Variants in NFATC1 observed in about 807,000 individuals in gnomAD.
NFATC1 encodes nuclear factor of activated T cells 1.
In NFATC1, 22 loss-of-function variants were observed where a neutral mutation model predicts 76.0. The observed-to-expected ratio is 0.29, with a 90% CI of 0.21 to 0.41. The LOEUF (loss-of-function observed/expected upper bound fraction) is 0.41. Among genes scored for constraint, NFATC1 ranks in the 10% least tolerant of loss-of-function variants. NFATC1 has a pLI of 1.00. For missense variants in NFATC1, 1,357 were observed against 1,337.7 expected (o/e 1.01, Z -0.23); for synonymous variants, 704 against 613.1 (o/e 1.15, Z -2.19).
chr18:79,437,980 G>C (rs2086841573), intron 3 of NFATC1, among the ~76,000 whole-genome samples: 1 of 152,242 alleles, frequency 6.6e-6, no homozygotes, highest in African/African-American at 2.4e-5. Context: ...AAGCACCCGG[G>C]CACAGCCATT....
intron 3 of NFATC1, among the ~76,000 whole-genome samples, chr18:79,447,892 C>T (rs1869125150): frequency 6.6e-6 from 1 of 152,272 alleles, no homozygotes; most frequent in Non-Finnish European, 1.5e-5. Context: ...AACGGCACCA[C>T]ACTCTGTGTT....
At chr18:79,423,823 A>T (rs142017461) in intron 2 of NFATC1, among the ~76,000 whole-genome samples, 143 of 152,124 alleles carry the variant, frequency 9.4e-4, no homozygotes, top group African/African-American at 3.4e-3. Context: ...ATGGGCACAG[A>T]GCTTGGGTCC....
At chr18:79,518,388 G>A (rs568078303) in intron 9 of NFATC1, among the ~76,000 whole-genome samples, 2 of 152,360 alleles carry the variant, frequency 1.3e-5, no homozygotes, top group East Asian at 3.9e-4. Flanking sequence ...TGTGGAAGCT[G>A]AGTGTGGCAG....
chr18:79,488,298 T>TTTTGTGTG (rs2089576638), intron 9 of NFATC1, among the ~76,000 whole-genome samples: 1 of 141,010 alleles, frequency 7.1e-6, no homozygotes, highest in Non-Finnish European at 1.5e-5. Flanking sequence ...GCAGCCCTGG[T>TTTTGTGTG]TGTGTGTGTG....
intron 9 of NFATC1, among the ~76,000 whole-genome samples, chr18:79,513,946 C>T (rs935724): frequency 1.8e-3 from 279 of 152,296 alleles, no homozygotes; most frequent in South Asian, 3.1e-3. Context: ...GGGACGTGTC[C>T]CCACCTGAGC....
chr18:79,402,823 A>G (rs1360926469), intron 1 of NFATC1, among the ~76,000 whole-genome samples: 1 of 152,230 alleles, frequency 6.6e-6, no homozygotes, highest in African/African-American at 2.4e-5. Context: ...TTAATTATTT[A>G]TATCACATTG....
At chr18:79,479,300 G>A (rs190990009) in intron 8 of NFATC1, among the ~76,000 whole-genome samples, 10 of 152,352 alleles carry the variant, frequency 6.6e-5, no homozygotes, top group East Asian at 1.9e-4. Context: ...GGGTGAGCCC[G>A]GAACACGGGC....
chr18:79,432,935 G>C, intron 2 of NFATC1, among the ~76,000 whole-genome samples: 1 of 152,186 alleles, frequency 6.6e-6, no homozygotes, highest in South Asian at 2.1e-4. Flanking sequence ...CACCCGCCAG[G>C]TCATGCAGCT....
chr18:79,424,138 G>C (rs1402539629), intron 2 of NFATC1, among the ~76,000 whole-genome samples: 3 of 152,366 alleles, frequency 2.0e-5, no homozygotes, highest in African/African-American at 7.2e-5. Flanking sequence ...GAGGGTGAAG[G>C]CTGCGTCCAG....
intron 9 of NFATC1, among the ~76,000 whole-genome samples, chr18:79,510,324 T>TA (rs539534610): frequency 1.1e-3 from 169 of 151,384 alleles, no homozygotes; most frequent in Non-Finnish European, 1.3e-3. Flanking sequence ...ACTTTAGGGC[T>TA]AAAAAAAAAC....
At chr18:79,419,214 A>C (rs2148229238) in intron 2 of NFATC1, among the ~76,000 whole-genome samples, 1 of 152,056 alleles carries the variant, frequency 6.6e-6, no homozygotes, top group East Asian at 1.9e-4. Context: ...GTGGAGACAG[A>C]GTCTTGCCGT....
At chr18:79,472,981 T>C (rs1022729673) in intron 8 of NFATC1, among the ~76,000 whole-genome samples, 2 of 152,252 alleles carry the variant, frequency 1.3e-5, no homozygotes. Flanking sequence ...CTCCATGCCA[T>C]GTCCTGCACA....
intron 2 of NFATC1, among the ~76,000 whole-genome samples, chr18:79,431,997 G>A (rs746617869): frequency 3.3e-5 from 5 of 152,232 alleles, no homozygotes; most frequent in Middle Eastern, 3.2e-3. Flanking sequence ...CACCATGCCC[G>A]GCCCTTGTTT....
At chr18:79,424,048 A>T (rs1199102758) in intron 2 of NFATC1, among the ~76,000 whole-genome samples, 2 of 152,162 alleles carry the variant, frequency 1.3e-5, no homozygotes, top group Non-Finnish European at 2.9e-5. Flanking sequence ...CCTGCTGGGC[A>T]GGATTTTGTG....
rs554294536 is a variant in NFATC1, at chr18:79,477,893, G to A, written c.2093-8355G>A. Among the ~76,000 whole-genome samples, 172 of 152,298 alleles carry A rather than the reference G, an allele frequency of 1.1e-3. 2 individuals are homozygous for A. In the South Asian group the frequency reaches 0.013, roughly 12 times the overall value. On this transcript the variant is annotated intron_variant, in intron 8 of 9. Transcript: ENST00000427363. ...TCCCTCCCTGTGGGACGGCAGTCCC[G>A]TTGGATCAGGGCCCCACCCTGATGA...
intron 8 of NFATC1, among the ~76,000 whole-genome samples, chr18:79,483,150 T>G (rs1189494384): frequency 2.8e-5 from 2 of 71,054 alleles, no homozygotes; most frequent in Non-Finnish European, 5.3e-5. Flanking sequence ...GTTCCTGGGG[T>G]GTAATTCCAG....
intron 9 of NFATC1, among the ~76,000 whole-genome samples, chr18:79,491,727 T>G (rs2089683984): frequency 1.3e-5 from 2 of 152,114 alleles, no homozygotes; most frequent in South Asian, 4.1e-4. Context: ...GCAGATTTAG[T>G]CTCCAGCCCT....
intron 3 of NFATC1, among the ~76,000 whole-genome samples, chr18:79,434,879 G>A (rs1341301149): frequency 1.3e-5 from 2 of 152,240 alleles, no homozygotes; most frequent in Non-Finnish European, 2.9e-5. Context: ...GATGTTTGTG[G>A]CCTGTGTGCT....
chr18:79,456,393 G>T (rs753216331), intron 6 of NFATC1, among the ~76,000 whole-genome samples: 1 of 152,160 alleles, frequency 6.6e-6, no homozygotes, highest in African/African-American at 2.4e-5. Flanking sequence ...CACTCCCTCC[G>T]GGCTCACCTT....
Sources: allele counts gnomAD v4.1 joint callset (sites outside exome capture counted in the v4.1 genomes callset), GRCh38; gene constraint gnomAD v4.1.1; transcripts MANE v1.5; gene names NCBI Gene and HGNC (gene_info 2026-07-23, HGNC 2026-07-21).